ALDH7A1: variants seen among roughly 807,000 people sequenced by gnomAD.
ALDH7A1 encodes aldehyde dehydrogenase 7 family member A1, also known as alpha-aminoadipic semialdehyde dehydrogenase.
In ALDH7A1, 63 loss-of-function variants were observed where a neutral mutation model predicts 79.9. The observed-to-expected ratio is 0.79, with a 90% CI of 0.64 to 0.97. ALDH7A1 has a LOEUF of 0.97. ALDH7A1 is among the 50% of genes least tolerant of loss of function. The pLI is 0.00. For synonymous variants in ALDH7A1, 240 were observed against 231.2 expected (o/e 1.04, Z -0.34); for missense variants, 627 against 665.2 (o/e 0.94, Z 0.63).
chr5:126,568,119 C>A, intron 9 of ALDH7A1, 140 bp downstream of exon 9: 1 of 781,896 alleles, frequency 1.3e-6, no homozygotes, highest in Non-Finnish European at 2.2e-6. Context: ...TAACTGTACC[C>A]TTTTCTTTTA....
intron 11 of ALDH7A1, among the ~76,000 whole-genome samples, chr5:126,558,790 T>C (rs1750293720): frequency 6.6e-6 from 1 of 152,180 alleles, no homozygotes. Context: ...CCTCCCAAAG[T>C]GTTAGAATTC....
chr5:126,544,417 G>A lies in ALDH7A1; in HGVS notation c.*548C>T, dbSNP rs1060856. ...AGCAAGAGCCATAACTGTGATGAAT[G>A]CCTGTTGTCATTTTAAGCACTGCAA... On this transcript the variant is annotated 3_prime_UTR_variant, in exon 18 of 18. Coordinates refer to ENST00000409134, the MANE Select transcript of ALDH7A1 (RefSeq NM_001182.5). 17,276 of 160,766 alleles carry A rather than the reference G, an allele frequency of 0.11. 1,191 individuals are homozygous for A. The highest frequency in any genetic ancestry group is 0.17 in the Middle Eastern group (51 of 308). 10.0% of individuals were successfully genotyped at this position (160,766 alleles called of 1,614,324 possible).
In ALDH7A1 at chr5:126,582,866, T is replaced by C. The variant is rs753339039; in HGVS notation, c.502A>G (p.Ile168Val). 6.2e-7 allele frequency: 1 copy of C among 1,612,624 alleles called. No homozygotes were observed. The highest frequency in any genetic ancestry group is 1.1e-5 in the South Asian group (1 of 91,020). The stretch of plus-strand genomic sequence containing the variant: ...CATTGCTTACTTTCAGAAGGCAAGA[T>C]AGGTCCTCCAATCATCCTTGATAAA... ...VGLSRMIGGPILPSERSGHAL... is the reference protein window; with the variant it reads ...VGLSRMIGGPVLPSERSGHAL... Residue 168 changes from isoleucine (I) to valine (V), a missense_variant, in exon 5 of 18, where the codon ATC becomes GTC. Coordinates refer to ENST00000409134, the MANE Select transcript of ALDH7A1 (RefSeq NM_001182.5).
intron 3 of ALDH7A1, among the ~76,000 whole-genome samples, chr5:126,584,659 CAAAA>C (rs35736560): frequency 3.2e-5 from 2 of 62,238 alleles, no homozygotes; most frequent in Admixed American, 1.6e-4. Flanking sequence ...CACTCCATCT[CAAAA>C]AAAAAAAAAA....
Position 126,543,964 on chromosome 5 carries a change from C to CTTTTTTTTTT in ALDH7A1, c.*991_*1000dup, listed in dbSNP as rs60217601. 1 of 122,062 alleles carries CTTTTTTTTTT rather than the reference C, an allele frequency of 8.2e-6. No individual in the cohort carries two copies. 7.6% of individuals were successfully genotyped at this position (122,062 alleles called of 1,614,324 possible). A position where few individuals can be genotyped will look rare whatever the true frequency, so the allele number is the denominator to read the frequency against. On this transcript the variant is annotated 3_prime_UTR_variant, in exon 18 of 18. Transcript: ENST00000409134. The stretch of plus-strand genomic sequence containing the variant: ...GGTTGTATAAAAAAATCCAGATGCA[C>CTTTTTTTTTT]TTTTTTTTTTTTTTTTTTTTGTAGA...
At chr5:126,547,495 G>A (rs1242061555) in intron 16 of ALDH7A1, among the ~76,000 whole-genome samples, 1 of 152,192 alleles carries the variant, frequency 6.6e-6, no homozygotes, top group African/African-American at 2.4e-5. Flanking sequence ...AGCCAGGCCT[G>A]CAGGGCCCTC....
chr5:126,572,811 G>C (rs1561661433), intron 7 of ALDH7A1, among the ~76,000 whole-genome samples: 1 of 152,176 alleles, frequency 6.6e-6, no homozygotes, highest in Admixed American at 6.5e-5. Context: ...ATTGTGACAA[G>C]AACACTGATT....
intron 4 of ALDH7A1, 45 bp downstream of exon 4, chr5:126,583,887 A>T: frequency 6.8e-7 from 1 of 1,463,316 alleles, no homozygotes; most frequent in Non-Finnish European, 9.6e-7. Context: ...TGACAGCCTT[A>T]TTGTCCACTC....
At chr5:126,589,100 G>A (rs754224595) in intron 3 of ALDH7A1, 3 of 151,886 alleles carry the variant, frequency 2.0e-5, no homozygotes, top group African/African-American at 4.8e-5. Flanking sequence ...TGGGAATTCT[G>A]TACTTTCTAC....
intron 1 of ALDH7A1, chr5:126,593,792 GA>G (rs1197070112): frequency 3.1e-6 from 1 of 327,510 alleles, no homozygotes; most frequent in Non-Finnish European, 5.8e-6. Flanking sequence ...AAAACTGTTG[GA>G]AAGTCCCGTG....
chr5:126,574,961 T>C (rs1750915858), intron 7 of ALDH7A1, among the ~76,000 whole-genome samples: 1 of 152,198 alleles, frequency 6.6e-6, no homozygotes, highest in Non-Finnish European at 1.5e-5. Context: ...TTAATAATTT[T>C]TTAACCAAAA....
chr5:126,556,520 A>C (rs764542019), intron 11 of ALDH7A1, among the ~76,000 whole-genome samples: 1 of 152,196 alleles, frequency 6.6e-6, no homozygotes, highest in Admixed American at 6.5e-5. Context: ...CTGGGATTAC[A>C]GGTGTGAGCC....
rs776298420 is a variant in ALDH7A1, at chr5:126,593,312, C to CACACACAA, written c.246+38_246+39insTTGTGTGT. Reference sequence around the variant, plus strand: ...CCTTGTGTATAATTTGAATTAAACACACACACACACACACACACACACACA... The same window carrying CACACACAA: ...CCTTGTGTATAATTTGAATTAAACACACACACAAACACACACACACACACACACACACA... On this transcript the variant is annotated intron_variant, in intron 2 of 17. Coordinates refer to ENST00000409134, the MANE Select transcript of ALDH7A1 (RefSeq NM_001182.5). 1.0e-4 allele frequency: 102 copies of CACACACAA among 979,964 alleles called. No individual in the cohort carries two copies. The African/African-American group carries it at 1.6e-3, about 16-fold the overall frequency. The allele number at this position is 979,964 out of a possible 1,614,324, so 60.7% of individuals were successfully genotyped here.
At chr5:126,584,067 A>C in intron 3 of ALDH7A1, 55 bp from the exon 4 acceptor site, 1 of 1,401,232 alleles carries the variant, frequency 7.1e-7, no homozygotes, top group South Asian at 1.2e-5. Flanking sequence ...TCATGTTTAT[A>C]ACACAGTATT....
rs763737676 is a variant in ALDH7A1 at position 126,544,977 on chromosome 5, G to C, written c.1608C>G (p.Ile536Met). The C allele has an allele frequency of 6.2e-6, 10 of 1,610,112 alleles. No homozygotes were observed. Among genetic ancestry groups the C allele is most frequent in the Non-Finnish European group, 8.5e-6 (10 of 1,176,620 alleles). Residue 536 changes from isoleucine to methionine, a missense_variant, in exon 18 of 18, where the codon ATC becomes ATG. Coordinates refer to ENST00000409134, the MANE Select transcript of ALDH7A1 (RefSeq NM_001182.5). ...ATCTAAAACACCTTTACTGAAACTTGATTCCTTGGGCCAGAGGAAGGTCTT... is the reference window on the plus strand; with the variant it reads ...ATCTAAAACACCTTTACTGAAACTTCATTCCTTGGGCCAGAGGAAGGTCTT... ...YSKDLPLAQG[I>M]KFQ
intron 11 of ALDH7A1, among the ~76,000 whole-genome samples, chr5:126,557,137 C>T (rs79881075): frequency 0.17 from 25,638 of 152,112 alleles, 2,720 homozygotes; most frequent in Middle Eastern, 0.27. Context: ...TTTTTCTTAG[C>T]TTTAACGTAA....
chr5:126,565,707 C>T (rs1330164201), intron 9 of ALDH7A1, among the ~76,000 whole-genome samples: 1 of 152,136 alleles, frequency 6.6e-6, no homozygotes, highest in East Asian at 1.9e-4. Flanking sequence ...AAACTTATTC[C>T]TATGTTTTCT....
chr5:126,573,956 G>A (rs1022488096), intron 7 of ALDH7A1, among the ~76,000 whole-genome samples: 3 of 139,578 alleles, frequency 2.1e-5, no homozygotes, highest in African/African-American at 8.6e-5. Flanking sequence ...CTTGAACCCA[G>A]GAAGCAGAAA....
chr5:126,558,076 G>A lies in ALDH7A1; in HGVS notation c.1008+1164C>T, dbSNP rs1223156690. Among the ~76,000 whole-genome samples the A allele has an allele frequency of 2.7e-5, 4 of 148,026 alleles. No homozygotes were observed. In the South Asian group the frequency reaches 8.7e-4, roughly 32 times the overall value. On this transcript the variant is annotated intron_variant, in intron 11 of 17. Transcript: ENST00000409134. The stretch of plus-strand genomic sequence containing the variant: ...CCAGCTACTCAGGAGGGTGAGGCAG[G>A]AGAATCGCTTGAATCCAGGAGGTGG...
Sources: gnomAD v4.1 joint callset for allele counts (sites outside exome capture counted in the v4.1 genomes callset) on GRCh38, gnomAD v4.1.1 for gene constraint, MANE v1.5 for transcripts, NCBI Gene and HGNC (gene_info 2026-07-23, HGNC 2026-07-21) for gene names.